Variants in NBAS observed in about 807,000 individuals in gnomAD.
NBAS encodes NBAS subunit of NRZ tethering complex.
NBAS carries 219 observed loss-of-function variants against 302.5 expected under a neutral mutation model. The ratio of observed to expected loss-of-function variants is 0.72; its 90% CI spans 0.65 to 0.81. NBAS has a LOEUF of 0.81. Among genes scored for constraint, NBAS ranks in the 30% least tolerant of loss-of-function variants. The pLI, the probability that NBAS is intolerant of heterozygous loss-of-function variation, is 0.00. For missense variants in NBAS, 2,932 were observed against 2,841.6 expected (o/e 1.03, Z -0.72); for synonymous variants, 1,118 against 1,021.6 (o/e 1.09, Z -1.80).
At chr2:14,903,887 G>A in the NBAS span, among the ~76,000 whole-genome samples, 3 of 152,120 alleles carry the variant, frequency 2.0e-5, no homozygotes, top group African/African-American at 7.2e-5. Flanking sequence ...GCCTGAGGGT[G>A]GGGGGAGGCG....
At chr2:15,490,095 A>T (rs533031993) in intron 11 of NBAS, among the ~76,000 whole-genome samples, 2 of 92,764 alleles carry the variant, frequency 2.2e-5, no homozygotes, top group African/African-American at 7.0e-5. Flanking sequence ...TTGCTCCAGT[A>T]TTGGGGTCAA....
At chr2:15,069,675 TG>T in the NBAS span, among the ~76,000 whole-genome samples, 19 of 152,286 alleles carry the variant, frequency 1.2e-4, no homozygotes, top group African/African-American at 3.6e-4. Context: ...TCCACATCTC[TG>T]TAAAATCTTT....
chr2:14,966,137 T>C, the NBAS span, among the ~76,000 whole-genome samples: 1 of 152,082 alleles, frequency 6.6e-6, no homozygotes. Flanking sequence ...GAAGGATAAG[T>C]CCAAGAGCCT....
the NBAS span, among the ~76,000 whole-genome samples, chr2:14,843,743 G>C: frequency 1.3e-5 from 2 of 152,082 alleles, no homozygotes; most frequent in Non-Finnish European, 2.9e-5. Flanking sequence ...TGCAGAGAGA[G>C]AATCTGCACT....
At chr2:14,801,127 T>C in the NBAS span, among the ~76,000 whole-genome samples, 2 of 152,194 alleles carry the variant, frequency 1.3e-5, no homozygotes, top group Non-Finnish European at 2.9e-5. Context: ...CTGCCATCAC[T>C]ATCTTTAAAA....
intron 9 of NBAS, among the ~76,000 whole-genome samples, chr2:15,532,488 CAAA>C (rs896529713): frequency 0.022 from 1,050 of 47,754 alleles, 8 homozygotes; most frequent in African/African-American, 0.054. Context: ...GACTCCATCT[CAAA>C]AAAAAAAAAA....
the NBAS span, among the ~76,000 whole-genome samples, chr2:15,087,575 A>C: frequency 3.9e-5 from 6 of 152,128 alleles, no homozygotes; most frequent in Non-Finnish European, 7.3e-5. Flanking sequence ...TTCTCAGAGA[A>C]CTCGTCAGCT....
chr2:15,361,595 CA>C (rs1673928687), intron 32 of NBAS, among the ~76,000 whole-genome samples: 1 of 152,136 alleles, frequency 6.6e-6, no homozygotes, highest in South Asian at 2.1e-4. Flanking sequence ...AGCTACAAAA[CA>C]AATACAATGT....
chr2:15,461,262 G>A lies in NBAS; in HGVS notation c.2278C>T (p.Leu760=). The A allele has an allele frequency of 6.2e-7, 1 of 1,613,704 alleles. No individual in the cohort carries two copies. Among genetic ancestry groups the A allele is most frequent in the Non-Finnish European group, 8.5e-7 (1 of 1,179,678 alleles). ...SDLLPHRLAI[L]SNFPETTSPH... The stretch of plus-strand genomic sequence containing the variant: ...GAAGTGGTCTCTGGAAAGTTGGACA[G>A]AATTGCAAGGCGATGAGGAAGCAGG... The change falls in exon 21 of 52, where the codon CTG becomes TTG. Residue 760 remains leucine (L), a synonymous_variant. Transcript: ENST00000281513.
At position 15,427,267 on chromosome 2, in the gene NBAS, C is replaced by T. The variant is rs539912351; in HGVS notation, c.2423+444G>A. ...AGGGCATAAAGGCATTCCAATATTC[C>T]TCACATGAATTTTCAGCCCCACACC... On this transcript the variant is annotated intron_variant, in intron 22 of 51. Transcript: ENST00000281513. 3.3e-5 allele frequency among the ~76,000 whole-genome samples: 5 copies of T among 152,100 alleles called. No homozygotes were observed. In the East Asian group the frequency reaches 9.7e-4, roughly 29 times the overall value.
At chr2:15,439,749 T>G (rs965435866) in intron 21 of NBAS, among the ~76,000 whole-genome samples, 5 of 152,146 alleles carry the variant, frequency 3.3e-5, no homozygotes, top group African/African-American at 1.2e-4. Context: ...TTCCCTTTCC[T>G]AGTCAAAGAA....
the NBAS span, among the ~76,000 whole-genome samples, chr2:15,050,399 C>T: frequency 1.3e-5 from 2 of 151,768 alleles, no homozygotes; most frequent in Non-Finnish European, 2.9e-5. Context: ...AAATATTTTC[C>T]TAATTTTAGA....
the NBAS span, among the ~76,000 whole-genome samples, chr2:15,094,181 G>C: frequency 3.9e-5 from 6 of 152,156 alleles, no homozygotes; most frequent in African/African-American, 1.4e-4. Flanking sequence ...CATTTGCCTA[G>C]ACCTCCCATT....
the NBAS span, among the ~76,000 whole-genome samples, chr2:15,081,745 A>T: frequency 1.3e-5 from 2 of 152,214 alleles, no homozygotes; most frequent in African/African-American, 2.4e-5. Context: ...GACTGCCCTT[A>T]GTTCGCTGGT....
chr2:14,787,061 C>T, the NBAS span, among the ~76,000 whole-genome samples: 3 of 152,178 alleles, frequency 2.0e-5, no homozygotes, highest in Admixed American at 2.0e-4. Context: ...GAATTGATCC[C>T]TTTACCATTA....
chr2:15,168,135 A>G (rs1664121385), intron 51 of NBAS, among the ~76,000 whole-genome samples: 1 of 152,164 alleles, frequency 6.6e-6, no homozygotes, highest in Non-Finnish European at 1.5e-5. Flanking sequence ...CAAAATTCGG[A>G]GCTTCTCACT....
At position 15,317,137 on chromosome 2, in the gene NBAS, C is replaced by T. The variant is rs565136129; in HGVS notation, c.4583-7890G>A. ...GGAGTGGACCTCCAGCAAACTCCAA[C>T]GGACCTACAGCTGAGGAACCTGACT... is the stretch of plus-strand genomic sequence containing the variant. On this transcript the variant is annotated intron_variant, in intron 38 of 51. Coordinates refer to ENST00000281513, the MANE Select transcript of NBAS (RefSeq NM_015909.4). Among the ~76,000 whole-genome samples the T allele has an allele frequency of 1.5e-4, 23 of 152,308 alleles. No individual in the cohort carries two copies. The East Asian group carries it at 3.9e-3, about 26-fold the overall frequency.
chr2:15,229,809 G>A (rs1667306061), intron 47 of NBAS, among the ~76,000 whole-genome samples: 1 of 151,090 alleles, frequency 6.6e-6, no homozygotes, highest in African/African-American at 2.4e-5. Flanking sequence ...GAAAAAAAAA[G>A]AGGACGTGAA....
the NBAS span, among the ~76,000 whole-genome samples, chr2:14,805,768 T>C: frequency 6.6e-6 from 1 of 152,116 alleles, no homozygotes; most frequent in African/African-American, 2.4e-5. Flanking sequence ...AGCATGCCAT[T>C]TTTCTCCTGC....
Sources: allele counts gnomAD v4.1 joint callset (sites outside exome capture counted in the v4.1 genomes callset), GRCh38; gene constraint gnomAD v4.1.1; transcripts MANE v1.5; gene names NCBI Gene and HGNC (gene_info 2026-07-23, HGNC 2026-07-21).